Variants in EPHA5 observed in about 807,000 individuals in gnomAD.
The protein encoded by EPHA5 is ephrin type-A receptor 5.
Under a neutral mutation model 105.0 loss-of-function variants are expected in EPHA5, and 60 were observed. That is an observed-to-expected ratio of 0.57 (90% CI 0.46 to 0.71). The LOEUF (loss-of-function observed/expected upper bound fraction) is 0.71, where lower values mean the gene tolerates loss of function less well. Ranked by LOEUF, EPHA5 falls within the 30% of genes least tolerant of loss-of-function variation. The pLI, the probability that EPHA5 is intolerant of heterozygous loss-of-function variation, is 0.00. For synonymous variants in EPHA5, 513 were observed against 449.1 expected (o/e 1.14, Z -1.80); for missense variants, 1,218 against 1,274.7 (o/e 0.96, Z 0.68).
intron 5 of EPHA5, among the ~76,000 whole-genome samples, chr4:65,487,131 G>T (rs112606022): frequency 0.045 from 6,834 of 152,224 alleles, 208 homozygotes; most frequent in African/African-American, 0.08. Context: ...AGAACCATGA[G>T]CCAATTAAAC....
intron 3 of EPHA5, among the ~76,000 whole-genome samples, chr4:65,557,101 A>C (rs1042172215): frequency 6.6e-6 from 1 of 151,672 alleles, no homozygotes; most frequent in African/African-American, 2.4e-5. Context: ...GATGTTTAAC[A>C]GCATTATAAT....
intron 5 of EPHA5, among the ~76,000 whole-genome samples, chr4:65,443,520 A>G (rs1049233637): frequency 3.3e-5 from 5 of 152,066 alleles, no homozygotes. Flanking sequence ...GGAAAAATTT[A>G]AGGCATATCA....
chr4:65,574,625 T>TAC (rs1553942683), intron 3 of EPHA5, among the ~76,000 whole-genome samples: 1 of 125,410 alleles, frequency 8.0e-6, no homozygotes, highest in Non-Finnish European at 1.7e-5. Flanking sequence ...TATATATATA[T>TAC]ACACATATAT....
At chr4:65,541,494 G>A (rs150225575) in intron 3 of EPHA5, among the ~76,000 whole-genome samples, 1 of 151,792 alleles carries the variant, frequency 6.6e-6, no homozygotes, top group African/African-American at 2.4e-5. Flanking sequence ...AAGATCAAAA[G>A]AGACAAAGAA....
intron 8 of EPHA5, among the ~76,000 whole-genome samples, chr4:65,376,058 A>G (rs1718971490): frequency 6.6e-6 from 1 of 151,982 alleles, no homozygotes; most frequent in South Asian, 2.1e-4. Flanking sequence ...CATCCATTCC[A>G]CAACTTCTCC....
chr4:65,638,176 T>TTG lies in EPHA5; in HGVS notation c.246+5186_246+5187insCA, dbSNP rs557216667. ...TTAATTGAATATTCATACAATTGCT[T>TTG]TTTTATTATTTATAAGGCATTTTGA... On this transcript the variant is annotated intron_variant, in intron 2 of 16. Coordinates refer to ENST00000613740, the MANE Select transcript of EPHA5 (RefSeq NM_001281766.3). Among the ~76,000 whole-genome samples the TTG allele has an allele frequency of 1.9e-4, 29 of 152,298 alleles. No individual in the cohort carries two copies. In the East Asian group the frequency reaches 4.8e-3, roughly 25 times the overall value.
chr4:65,358,996 CTT>C (rs1723569323), intron 11 of EPHA5, among the ~76,000 whole-genome samples: 1 of 151,592 alleles, frequency 6.6e-6, no homozygotes, highest in Non-Finnish European at 1.5e-5. Context: ...AAATTATAGA[CTT>C]TTCAGAAGAG....
intron 1 of EPHA5, among the ~76,000 whole-genome samples, chr4:65,649,783 T>C (rs553716767): frequency 1.3e-5 from 2 of 152,334 alleles, no homozygotes; most frequent in East Asian, 1.9e-4. Flanking sequence ...ATTTGCCTTA[T>C]CTTTTGGCAG....
At chr4:65,373,398 G>A (rs1260552704) in intron 8 of EPHA5, among the ~76,000 whole-genome samples, 3 of 151,580 alleles carry the variant, frequency 2.0e-5, no homozygotes, top group South Asian at 4.2e-4. Context: ...AAAGGGAAGA[G>A]TACTTCCACA....
chr4:65,483,261 T>A (rs1301035762), intron 5 of EPHA5, among the ~76,000 whole-genome samples: 3 of 152,224 alleles, frequency 2.0e-5, no homozygotes, highest in Admixed American at 6.5e-5. Flanking sequence ...AGTCTATCAT[T>A]GTTGGACATT....
chr4:65,662,207 T>A (rs370792797), intron 1 of EPHA5, among the ~76,000 whole-genome samples: 2 of 152,044 alleles, frequency 1.3e-5, no homozygotes, highest in African/African-American at 4.8e-5. Flanking sequence ...ACATTACCCA[T>A]CTCTGAGTAA....
intron 3 of EPHA5, among the ~76,000 whole-genome samples, chr4:65,500,928 C>T (rs1024802119): frequency 1.3e-5 from 2 of 150,976 alleles, no homozygotes; most frequent in Non-Finnish European, 1.5e-5. Flanking sequence ...CTTTCAAAAG[C>T]ATTGCTGGCC....
chr4:65,658,279 G>T (rs1020938650), intron 1 of EPHA5, among the ~76,000 whole-genome samples: 3 of 152,078 alleles, frequency 2.0e-5, no homozygotes, highest in Non-Finnish European at 4.4e-5. Context: ...TTGGAGTGCA[G>T]GGAAGGGGAA....
intron 3 of EPHA5, among the ~76,000 whole-genome samples, chr4:65,524,716 C>T (rs949844183): frequency 2.0e-5 from 3 of 151,818 alleles, no homozygotes; most frequent in East Asian, 3.9e-4. Flanking sequence ...CATTTCAGTA[C>T]GTTTAAATTT....
chr4:65,403,952 T>C (rs947194976), intron 8 of EPHA5, among the ~76,000 whole-genome samples: 2 of 152,158 alleles, frequency 1.3e-5, no homozygotes, highest in East Asian at 1.9e-4. Context: ...CCTGTTAGGA[T>C]AGAATGCTGA....
intron 10 of EPHA5, 74 bp from the exon 11 acceptor site, chr4:65,365,276 A>G: frequency 8.2e-7 from 1 of 1,225,154 alleles, no homozygotes; most frequent in Non-Finnish European, 1.2e-6. Flanking sequence ...ATGCCCTCTT[A>G]GACTACTAAG....
At chr4:65,659,297 T>G (rs1445285689) in intron 1 of EPHA5, among the ~76,000 whole-genome samples, 1 of 116,054 alleles carries the variant, frequency 8.6e-6, no homozygotes, top group Admixed American at 1.3e-4. Context: ...GGGAACTGGA[T>G]TGTTTATATA....
chr4:65,498,718 A>G (rs575363519), intron 3 of EPHA5, among the ~76,000 whole-genome samples: 2 of 151,846 alleles, frequency 1.3e-5, no homozygotes, highest in Non-Finnish European at 3.0e-5. Flanking sequence ...CCATTTTCTC[A>G]GAGAACAGGA....
At chr4:65,383,470 C>T (rs1719773268) in intron 8 of EPHA5, among the ~76,000 whole-genome samples, 1 of 151,782 alleles carries the variant, frequency 6.6e-6, no homozygotes, top group Admixed American at 6.6e-5. Context: ...ATCACTTTCA[C>T]TGCTACCAGT....
Sources: gnomAD v4.1 joint callset for allele counts (sites outside exome capture counted in the v4.1 genomes callset) on GRCh38, gnomAD v4.1.1 for gene constraint, MANE v1.5 for transcripts, NCBI Gene and HGNC (gene_info 2026-07-23, HGNC 2026-07-21) for gene names.